The following ATF6 variants were observed in gnomAD, a reference collection of about 807,000 sequenced individuals.
ATF6 encodes the protein activating transcription factor 6, also known as cyclic AMP-dependent transcription factor ATF-6 alpha.
Under a neutral mutation model 83.6 loss-of-function variants are expected in ATF6, and 53 were observed. That is an observed-to-expected ratio of 0.63 (90% confidence interval 0.51 to 0.80). ATF6 has a LOEUF of 0.80. ATF6 is among the 30% of genes least tolerant of loss of function. The pLI, the probability that ATF6 is intolerant of heterozygous loss-of-function variation, is 0.00. For missense variants in ATF6, 744 were observed against 797.9 expected (o/e 0.93, Z 0.81); for synonymous variants, 288 against 285.8 (o/e 1.01, Z -0.08).
intron 8 of ATF6, 67 bp downstream of exon 8, chr1:161,819,885 AC>A (rs1297377044): frequency 9.8e-5 from 130 of 1,326,242 alleles, no homozygotes; most frequent in Non-Finnish European, 1.3e-4. Context: ...AAATAGAGAA[AC>A]TTTTACATTT....
chr1:161,949,822 C>T (rs915385980), intron 15 of ATF6, among the ~76,000 whole-genome samples: 3 of 152,146 alleles, frequency 2.0e-5, no homozygotes, highest in Non-Finnish European at 4.4e-5. Context: ...ACCCAAATAC[C>T]TCCCATTAAG....
intron 2 of ATF6, among the ~76,000 whole-genome samples, chr1:161,780,110 TG>T (rs1684600284): frequency 6.6e-6 from 1 of 152,146 alleles, no homozygotes; most frequent in South Asian, 2.1e-4. Context: ...TTTTAAAAAA[TG>T]GTTTTTTTAT....
chr1:161,882,103 G>A (rs1687335626), intron 14 of ATF6, among the ~76,000 whole-genome samples: 1 of 152,024 alleles, frequency 6.6e-6, no homozygotes, highest in Non-Finnish European at 1.5e-5. Context: ...AGTTTTCTTT[G>A]TGTTATCCTT....
chr1:161,848,718 T>A (rs1686540134), intron 10 of ATF6, among the ~76,000 whole-genome samples: 1 of 152,160 alleles, frequency 6.6e-6, no homozygotes, highest in Non-Finnish European at 1.5e-5. Flanking sequence ...GAATTCTCAT[T>A]AACTCTAGCT....
intron 9 of ATF6, among the ~76,000 whole-genome samples, chr1:161,829,657 A>G (rs1266225965): frequency 3.3e-5 from 5 of 152,140 alleles, no homozygotes; most frequent in Admixed American, 2.6e-4. Context: ...AACATACACA[A>G]ATCAATAAAT....
chr1:161,819,552 A>G, intron 7 of ATF6, 81 bp from the exon 8 acceptor site: 3 of 1,157,394 alleles, frequency 2.6e-6, no homozygotes, highest in East Asian at 2.8e-5. Context: ...GGTTAAAATA[A>G]TTGTAAAAAT....
intron 14 of ATF6, among the ~76,000 whole-genome samples, chr1:161,900,516 AT>A (rs1347623556): frequency 6.6e-6 from 1 of 152,186 alleles, no homozygotes; most frequent in Non-Finnish European, 1.5e-5. Context: ...TAAACTCTAC[AT>A]CATTATATTA....
At position 161,912,285 on chromosome 1, in the gene ATF6, G is replaced by T; in HGVS notation, c.1720-11G>T. ...TGTTATATATAACAGATTGTTCTTT[G>T]TTAATTTTAGGATCACCTGCTGTTA... On this transcript the variant is annotated splice_polypyrimidine_tract_variant and intron_variant, in intron 14 of 15. Coordinates refer to ENST00000367942, the MANE Select transcript of ATF6 (RefSeq NM_007348.4). The T allele has an allele frequency of 1.3e-6, 2 of 1,594,932 alleles. No individual in the cohort carries two copies. The highest frequency in any genetic ancestry group is 1.1e-5 in the South Asian group (1 of 88,078).
chr1:161,847,739 C>T (rs1025959029), intron 10 of ATF6, among the ~76,000 whole-genome samples: 5 of 152,046 alleles, frequency 3.3e-5, no homozygotes, highest in African/African-American at 1.2e-4. Flanking sequence ...TTAGTGTCCA[C>T]ATAAGATCCA....
chr1:161,802,021 C>G, intron 6 of ATF6, 31 bp from the exon 7 acceptor site: 1 of 1,608,358 alleles, frequency 6.2e-7, no homozygotes, highest in African/African-American at 1.3e-5. Flanking sequence ...AGTTGTGTAC[C>G]CTTTGATTCC....
chr1:161,901,190 G>A (rs890480943), intron 14 of ATF6, among the ~76,000 whole-genome samples: 4 of 151,818 alleles, frequency 2.6e-5, no homozygotes, highest in African/African-American at 9.7e-5. Flanking sequence ...TTAGATTTGG[G>A]GTAGATGTGC....
At chr1:161,902,467 C>T (rs1446413299) in intron 14 of ATF6, among the ~76,000 whole-genome samples, 1 of 152,226 alleles carries the variant, frequency 6.6e-6, no homozygotes, top group African/African-American at 2.4e-5. Flanking sequence ...GACTGCTAGA[C>T]TAGCTTGGTG....
chr1:161,863,261 T>G lies in ATF6; in HGVS notation c.1668T>G (p.Phe556Leu), dbSNP rs193049562. 28 of 1,613,518 alleles carry G rather than the reference T, an allele frequency of 1.7e-5. No individual in the cohort carries two copies. ...CACCCAGAAGTTATCAAGACTTTTT[T>G]GAAGCCATCCGCAGAAGGGGAGACA... is the stretch of plus-strand genomic sequence containing the variant. ...YASPRSYQDF[F>L]EAIRRRGDTF... Residue 556 changes from phenylalanine to leucine, a missense_variant, in exon 14 of 16, where the codon TTT (phenylalanine) becomes TTG (leucine). Physicochemically the swap from Phe to Leu is conservative, Grantham distance 22. Coordinates refer to ENST00000367942, the MANE Select transcript of ATF6 (RefSeq NM_007348.4).
intron 6 of ATF6, among the ~76,000 whole-genome samples, chr1:161,800,356 A>G (rs1416294148): frequency 6.6e-6 from 1 of 152,204 alleles, no homozygotes; most frequent in Non-Finnish European, 1.5e-5. Context: ...ATTTTAAATA[A>G]TTCTCTGCAT....
At chr1:161,874,009 T>A (rs1476071678) in intron 14 of ATF6, among the ~76,000 whole-genome samples, 3 of 151,752 alleles carry the variant, frequency 2.0e-5, no homozygotes, top group Non-Finnish European at 4.4e-5. Flanking sequence ...AGCATTGTTA[T>A]CAGGACCATC....
chr1:161,826,431 A>G lies in ATF6; in HGVS notation c.1187+5270A>G, dbSNP rs1685900691. 1.3e-5 allele frequency among the ~76,000 whole-genome samples: 2 copies of G among 152,206 alleles called. 1 individual carries two copies. The highest frequency in any genetic ancestry group is 4.1e-4 in the South Asian group (2 of 4,834). On this transcript the variant is annotated intron_variant, in intron 9 of 15. Transcript: ENST00000367942. ...ATGAAAGGAAGAGATGATGGTCCCT[A>G]TTTTATCAAGAAGTGGTTTGTGTTC... is the stretch of plus-strand genomic sequence containing the variant.
chr1:161,927,408 A>G (rs932658079), intron 15 of ATF6, among the ~76,000 whole-genome samples: 4 of 152,170 alleles, frequency 2.6e-5, no homozygotes, highest in Non-Finnish European at 5.9e-5. Flanking sequence ...GGCTCAAGCA[A>G]TCCTCCTGCC....
At chr1:161,812,289 TTGTGTGTGTG>T (rs10607216) in intron 7 of ATF6, among the ~76,000 whole-genome samples, 4 of 145,290 alleles carry the variant, frequency 2.8e-5, no homozygotes, top group Non-Finnish European at 6.0e-5. Context: ...ATTTCATGCT[TTGTGTGTGTG>T]TGTGTGTGTG....
intron 9 of ATF6, among the ~76,000 whole-genome samples, chr1:161,833,379 C>T (rs1158592991): frequency 5.3e-5 from 8 of 152,202 alleles, no homozygotes; most frequent in Non-Finnish European, 8.8e-5. Context: ...CAGCTCCTCA[C>T]CCGCAACAGA....
Sources: gnomAD v4.1 joint callset for allele counts (sites outside exome capture counted in the v4.1 genomes callset) on GRCh38, gnomAD v4.1.1 for gene constraint, MANE v1.5 for transcripts, NCBI Gene and HGNC (gene_info 2026-07-23, HGNC 2026-07-21) for gene names.